The following ADAMTS12 variants were observed in gnomAD, a reference collection of about 807,000 sequenced individuals.
ADAMTS12 encodes the protein A disintegrin and metalloproteinase with thrombospondin motifs 12.
Under a neutral mutation model 167.8 loss-of-function variants are expected in ADAMTS12, and 118 were observed. The observed-to-expected ratio is 0.70, with a 90% confidence interval of 0.61 to 0.82. The LOEUF (loss-of-function observed/expected upper bound fraction) is 0.82. ADAMTS12 is among the 40% of genes least tolerant of loss of function. The pLI is 0.00. For synonymous variants in ADAMTS12, 704 were observed against 716.9 expected (o/e 0.98, Z 0.29); for missense variants, 1,916 against 1,998.8 (o/e 0.96, Z 0.79).
At chr5:33,587,741 G>A (rs1747428071) in intron 18 of ADAMTS12, among the ~76,000 whole-genome samples, 1 of 152,182 alleles carries the variant, frequency 6.6e-6, no homozygotes. Flanking sequence ...TGCCTGTCCA[G>A]TGGTAGCATT....
At chr5:33,779,655 C>T (rs1378380202) in intron 2 of ADAMTS12, among the ~76,000 whole-genome samples, 1 of 152,116 alleles carries the variant, frequency 6.6e-6, no homozygotes, top group African/African-American at 2.4e-5. Context: ...GGAAGGAAAT[C>T]CTGTCATTTG....
chr5:33,643,877 G>A (rs1740565396), intron 9 of ADAMTS12, among the ~76,000 whole-genome samples: 1 of 152,234 alleles, frequency 6.6e-6, no homozygotes, highest in Non-Finnish European at 1.5e-5. Flanking sequence ...ACTTGAGCCT[G>A]CTCAGTGAAG....
chr5:33,767,063 G>C (rs1745560427), intron 2 of ADAMTS12, among the ~76,000 whole-genome samples: 1 of 151,118 alleles, frequency 6.6e-6, no homozygotes, highest in Non-Finnish European at 1.5e-5. Context: ...ATAATTGCCT[G>C]GCAAACAAAT....
At chr5:33,739,674 C>T (rs1561245196) in intron 3 of ADAMTS12, among the ~76,000 whole-genome samples, 2 of 152,162 alleles carry the variant, frequency 1.3e-5, no homozygotes, top group Non-Finnish European at 2.9e-5. Flanking sequence ...TGATGATGAG[C>T]TAGACACATC....
intron 6 of ADAMTS12, among the ~76,000 whole-genome samples, chr5:33,659,911 G>A (rs1230444983): frequency 6.6e-6 from 1 of 152,192 alleles, no homozygotes; most frequent in Non-Finnish European, 1.5e-5. Flanking sequence ...GAGGGTGGGT[G>A]ATTTTGCTCT....
In ADAMTS12 at chr5:33,648,982, C is replaced by T; in HGVS notation, c.1335-16G>A. The T allele has an allele frequency of 6.2e-7, 1 of 1,612,804 alleles. No individual in the cohort carries two copies. Among genetic ancestry groups the T allele is most frequent in the Non-Finnish European group, 8.5e-7 (1 of 1,179,234 alleles). ...CCAGCCTCGGCTGAAAACAAGTTAA[C>T]AGAAATGAGAGGAGTTGTTTAGGAT... On this transcript the variant is annotated splice_polypyrimidine_tract_variant and intron_variant, in intron 8 of 23. Transcript: ENST00000504830.
chr5:33,576,608 C>T lies in ADAMTS12; in HGVS notation c.3418G>A (p.Val1140Met), dbSNP rs777445566. Residue 1140 changes from valine (V) to methionine (M), a missense_variant, in exon 19 of 24, where the codon GTG becomes ATG. Coordinates refer to ENST00000504830, the MANE Select transcript of ADAMTS12 (RefSeq NM_030955.4). ...SSSRNPITWP[V>M]TPFYNTLTKG... Reference sequence around the variant, plus strand: ...GTCAAGGTATTGTAAAATGGAGTCACAGGCCAAGTGATAGGGTTGCGGGAA... The same window carrying T: ...GTCAAGGTATTGTAAAATGGAGTCATAGGCCAAGTGATAGGGTTGCGGGAA... 2 of 1,614,220 alleles carry T rather than the reference C, an allele frequency of 1.2e-6. No individual in the cohort carries two copies. The highest frequency in any genetic ancestry group is 3.3e-4 in the Middle Eastern group (2 of 6,062).
intron 22 of ADAMTS12, among the ~76,000 whole-genome samples, chr5:33,541,447 A>C (rs942827035): frequency 6.6e-6 from 1 of 152,220 alleles, no homozygotes; most frequent in Non-Finnish European, 1.5e-5. Context: ...CAACCTAGCA[A>C]GGCAGGCCAA....
In ADAMTS12 at chr5:33,661,892, G is replaced by A. The variant is rs774536621; in HGVS notation, c.1040+24C>T. On this transcript the variant is annotated intron_variant, in intron 6 of 23. Transcript: ENST00000504830. ...ATCCCTCCCTGCTTTACTGCCCCTG[G>A]GTTTCATGTAGTCTCTGGTGTACCT... 1.7e-5 allele frequency: 27 copies of A among 1,612,298 alleles called. No homozygotes were observed. The South Asian group carries it at 2.7e-4, about 16-fold the overall frequency.
intron 3 of ADAMTS12, among the ~76,000 whole-genome samples, chr5:33,705,517 T>C (rs574431394): frequency 6.6e-6 from 1 of 152,250 alleles, no homozygotes; most frequent in African/African-American, 2.4e-5. Context: ...TATATGCTAA[T>C]AATGAACTAG....
At chr5:33,570,204 T>A (rs1177211948) in intron 19 of ADAMTS12, among the ~76,000 whole-genome samples, 2 of 152,040 alleles carry the variant, frequency 1.3e-5, no homozygotes, top group Non-Finnish European at 2.9e-5. Context: ...TTCCCCAATC[T>A]AGCAAGGCAG....
intron 19 of ADAMTS12, among the ~76,000 whole-genome samples, chr5:33,574,213 G>C (rs1484815952): frequency 2.6e-5 from 4 of 151,896 alleles, no homozygotes; most frequent in Non-Finnish European, 4.4e-5. Context: ...TCTAGAACTA[G>C]AAATACCATT....
chr5:33,678,610 A>G (rs1253844514), intron 5 of ADAMTS12, among the ~76,000 whole-genome samples: 1 of 152,212 alleles, frequency 6.6e-6, no homozygotes, highest in African/African-American at 2.4e-5. Flanking sequence ...GGCAACAACA[A>G]GACCAGAGGC....
At chr5:33,675,559 C>T (rs902766180) in intron 5 of ADAMTS12, among the ~76,000 whole-genome samples, 3 of 152,134 alleles carry the variant, frequency 2.0e-5, no homozygotes, top group Non-Finnish European at 2.9e-5. Context: ...TAAAGTTCCT[C>T]GTGCAGACAA....
chr5:33,746,062 G>A (rs1184645667), intron 3 of ADAMTS12, among the ~76,000 whole-genome samples: 11 of 152,104 alleles, frequency 7.2e-5, no homozygotes. Context: ...CAAATATAGA[G>A]CAATAATTAA....
chr5:33,825,408 A>G (rs1748025978), intron 2 of ADAMTS12, among the ~76,000 whole-genome samples: 1 of 152,200 alleles, frequency 6.6e-6, no homozygotes, highest in African/African-American at 2.4e-5. Context: ...TGAGCTGGAT[A>G]TATCATGTCA....
At chr5:33,560,052 T>A (rs1413338110) in intron 20 of ADAMTS12, among the ~76,000 whole-genome samples, 1 of 152,234 alleles carries the variant, frequency 6.6e-6, no homozygotes, top group Non-Finnish European at 1.5e-5. Flanking sequence ...CGTGATAATA[T>A]AGGATTATTC....
intron 23 of ADAMTS12, among the ~76,000 whole-genome samples, chr5:33,530,490 G>A (rs1172986539): frequency 6.6e-6 from 1 of 152,200 alleles, no homozygotes; most frequent in African/African-American, 2.4e-5. Context: ...TTCTTAGCCA[G>A]CCTCTCCTGA....
chr5:33,557,079 T>G (rs541443251), intron 20 of ADAMTS12, among the ~76,000 whole-genome samples: 1 of 152,288 alleles, frequency 6.6e-6, no homozygotes, highest in Non-Finnish European at 1.5e-5. Context: ...ATGAGAGAAA[T>G]AAGCCAGTAA....
Sources: gnomAD v4.1 joint callset for allele counts (sites outside exome capture counted in the v4.1 genomes callset) on GRCh38, gnomAD v4.1.1 for gene constraint, MANE v1.5 for transcripts, NCBI Gene and HGNC (gene_info 2026-07-23, HGNC 2026-07-21) for gene names.